Variants in PTCD3 observed in about 807,000 individuals in gnomAD.
PTCD3 encodes small ribosomal subunit protein mS39.
PTCD3 carries 89 observed loss-of-function variants against 101.9 expected under a neutral mutation model. That is an observed-to-expected ratio of 0.87 (90% CI 0.74 to 1.04). PTCD3 has a LOEUF of 1.04. PTCD3 is among the 50% of genes least tolerant of loss of function. The pLI is 0.00. For synonymous variants in PTCD3, 296 were observed against 278.5 expected (o/e 1.06, Z -0.63); for missense variants, 870 against 828.2 (o/e 1.05, Z -0.62).
Position 86,125,804 on chromosome 2 carries a change from A to G in PTCD3, c.875A>G (p.Tyr292Cys). 1 of 1,603,098 alleles carries G rather than the reference A, an allele frequency of 6.2e-7. No homozygotes were observed. The highest frequency in any genetic ancestry group is 8.5e-7 in the Non-Finnish European group (1 of 1,171,368). The change falls in exon 12 of 24, where the codon TAC becomes TGC. Residue 292 changes from tyrosine (Y) to cysteine (C), a missense_variant. Tyr to Cys is a radical substitution (Grantham distance 194). Coordinates refer to ENST00000254630, the MANE Select transcript of PTCD3 (RefSeq NM_017952.6). ...LLNNRLHADVYTFNALIEATV... is the reference protein window; with the variant it reads ...LLNNRLHADVCTFNALIEATV... ...TTTTATTATTTTACAGCTGATGTAT[A>G]CACATTTAATGCATTGATTGAAGCA...
chr2:86,126,263 A>G lies in PTCD3; in HGVS notation c.951+383A>G, dbSNP rs1054859182. The stretch of plus-strand genomic sequence containing the variant: ...AAAAAAGAAAAAGAAACAGAAGTAC[A>G]TGGGCTGGAGACAGCATTTATGAGC... On this transcript the variant is annotated intron_variant, in intron 12 of 23. Coordinates refer to ENST00000254630, the MANE Select transcript of PTCD3 (RefSeq NM_017952.6). Among the ~76,000 whole-genome samples the G allele has an allele frequency of 1.3e-4, 20 of 151,306 alleles. No individual in the cohort carries two copies. In the South Asian group the frequency reaches 3.1e-3, roughly 24 times the overall value.
rs747552088 is a variant in PTCD3, at chr2:86,116,583, A to G, written c.294A>G (p.Ala98=). 26 of 1,608,888 alleles carry G rather than the reference A, an allele frequency of 1.6e-5. No individual in the cohort carries two copies. Among genetic ancestry groups the G allele is most frequent in the Non-Finnish European group, 2.0e-5 (24 of 1,175,334 alleles). ...AAGATGATCCTTACCTTATGCCAGC[A>G]TCATCTTTGGAATCTGTGAGTATTT... is the stretch of plus-strand genomic sequence containing the variant. ...VFQDDPYLMP[A]SSLESRSFLL... The change falls in exon 5 of 24, where the codon GCA becomes GCG. Residue 98 remains alanine (A), a synonymous_variant. Coordinates refer to ENST00000254630, the MANE Select transcript of PTCD3 (RefSeq NM_017952.6).
At chr2:86,123,880 C>A in intron 9 of PTCD3, 118 bp downstream of exon 9, 2 of 698,896 alleles carry the variant, frequency 2.9e-6, no homozygotes, top group Non-Finnish European at 4.3e-6. Context: ...TTTTATTGTG[C>A]AATATAAATT....
At position 86,142,029 on chromosome 2, in the gene PTCD3, TATC is replaced by T. The variant is rs1451032242; in HGVS notation, c.*4474_*4476del. The T allele has an allele frequency of 6.9e-6, 1 of 144,968 alleles. No individual in the cohort carries two copies. Among genetic ancestry groups the T allele is most frequent in the Non-Finnish European group, 1.5e-5 (1 of 66,156 alleles). The allele number at this position is 144,968 out of a possible 1,614,324, so 9.0% of individuals were successfully genotyped here. A position where few individuals can be genotyped will look rare whatever the true frequency, so the allele number is the denominator to read the frequency against. On this transcript the variant is annotated 3_prime_UTR_variant, in exon 24 of 24. Coordinates refer to ENST00000254630, the MANE Select transcript of PTCD3 (RefSeq NM_017952.6). ...TGGCCAAGCAGGGTCCCCTTTTCGG[TATC>T]ATCTTTGTTCCTAATAAGCAATCAA...
chr2:86,120,431 A>T (rs987166391), intron 7 of PTCD3, among the ~76,000 whole-genome samples: 2 of 151,430 alleles, frequency 1.3e-5, no homozygotes, highest in African/African-American at 4.9e-5. Context: ...TGTGTTTTAT[A>T]ATAATCTTAT....
rs1485409614 is a variant in PTCD3 at position 86,121,553 on chromosome 2, A to G, written c.613A>G (p.Thr205Ala). The stretch of plus-strand genomic sequence containing the variant: ...TTACTATGGTGACCAGGAGCCCTCA[A>G]CTGATTACCATTTTCAACAAACTGG... ...LCYYGDQEPSTDYHFQQTGQS... is the reference protein window; with the variant it reads ...LCYYGDQEPSADYHFQQTGQS... The change falls in exon 8 of 24, where the codon ACT becomes GCT. Residue 205 changes from threonine to alanine, a missense_variant. By Grantham distance (58) the Thr-to-Ala change is moderately conservative. Transcript: ENST00000254630. The G allele has an allele frequency of 6.8e-6, 11 of 1,611,270 alleles. No individual in the cohort carries two copies. Among genetic ancestry groups the G allele is most frequent in the Non-Finnish European group, 9.3e-6 (11 of 1,178,872 alleles).
rs765439240 is a variant in PTCD3, at chr2:86,125,783, A to G, written c.866-12A>G. On this transcript the variant is annotated splice_polypyrimidine_tract_variant and intron_variant, in intron 11 of 23. Transcript: ENST00000254630. Reference sequence around the variant, plus strand: ...CTTCAACCCCAAATTTTATCATTTTATTATTTTACAGCTGATGTATACACA... The same window carrying G: ...CTTCAACCCCAAATTTTATCATTTTGTTATTTTACAGCTGATGTATACACA... 1 of 1,568,058 alleles carries G rather than the reference A, an allele frequency of 6.4e-7. No individual in the cohort carries two copies. Among genetic ancestry groups the G allele is most frequent in the Non-Finnish European group, 8.7e-7 (1 of 1,146,002 alleles).
rs537889886 is a variant in PTCD3 at position 86,106,261 on chromosome 2, C to A, written c.14C>A (p.Ser5Tyr). Residue 5 changes from serine (S) to tyrosine (Y), a missense_variant, in exon 1 of 24, where the codon TCT becomes TAT. Ser to Tyr is a moderately radical substitution (Grantham distance 144, BLOSUM62 -2). Transcript: ENST00000254630. The stretch of plus-strand genomic sequence containing the variant: ...GAGAAATCAAAGATGGCGGTTGTAT[C>A]TGCTGTTCGCTGGCTGGGCCTCCGC... MAVV[S>Y]AVRWLGLRSR... 14 of 1,614,094 alleles carry A rather than the reference C, an allele frequency of 8.7e-6. No individual in the cohort carries two copies. The South Asian group carries it at 8.8e-5, about 10-fold the overall frequency.
chr2:86,135,430 A>ATTT (rs1674567845), intron 21 of PTCD3, among the ~76,000 whole-genome samples: 1 of 152,198 alleles, frequency 6.6e-6, no homozygotes, highest in Non-Finnish European at 1.5e-5. Context: ...ACGCACATTA[A>ATTT]CTAAACTTGG....
At chr2:86,111,220 C>A in intron 4 of PTCD3, 62 bp downstream of exon 4, 1 of 1,331,148 alleles carries the variant, frequency 7.5e-7, no homozygotes, top group South Asian at 1.2e-5. Context: ...CTTTTTAACT[C>A]GGCTAATAAC....
In PTCD3 at chr2:86,127,100, CAT is replaced by C. The variant is rs1265875808; in HGVS notation, c.952-59_952-58del. ...GCTAAATTCTTTACTTTGTATGAAACATAGATTATTGGACAGATTACCCAGGC... is the reference window on the plus strand; with the variant it reads ...GCTAAATTCTTTACTTTGTATGAAACAGATTATTGGACAGATTACCCAGGC... On this transcript the variant is annotated intron_variant, in intron 12 of 23. Transcript: ENST00000254630. 1.8e-5 allele frequency: 26 copies of C among 1,434,114 alleles called. No homozygotes were observed. The East Asian group carries it at 3.7e-4, about 20-fold the overall frequency. The allele number at this position is 1,434,114 out of a possible 1,614,324, so 88.8% of individuals were successfully genotyped here. A position where few individuals can be genotyped will look rare whatever the true frequency, so the allele number is the denominator to read the frequency against.
intron 17 of PTCD3, chr2:86,132,937 C>A: frequency 1.9e-6 from 1 of 513,160 alleles, no homozygotes; most frequent in Non-Finnish European, 3.3e-6. Context: ...AGTATCTATT[C>A]ACCATGACCT....
At chr2:86,122,098 CAT>C (rs750207858) in intron 8 of PTCD3, among the ~76,000 whole-genome samples, 2 of 152,140 alleles carry the variant, frequency 1.3e-5, no homozygotes, top group East Asian at 1.9e-4. Flanking sequence ...TAGAGATGCT[CAT>C]GTGACATTTT....
chr2:86,123,591 T>G, intron 8 of PTCD3, 110 bp from the exon 9 acceptor site: 1 of 770,180 alleles, frequency 1.3e-6, no homozygotes, highest in Non-Finnish European at 2.0e-6. Flanking sequence ...TGGATCTATG[T>G]TTCCTTTATT....
rs1674057227 is a variant in PTCD3, at chr2:86,110,479, G to A, written c.195-634G>A. Reference sequence around the variant, plus strand: ...AACATAGGAGCACAAATATATTTGAGATCAAATTATCTTGTCTGTCATTTA... The same window carrying A: ...AACATAGGAGCACAAATATATTTGAAATCAAATTATCTTGTCTGTCATTTA... On this transcript the variant is annotated intron_variant, in intron 3 of 23. Coordinates refer to ENST00000254630, the MANE Select transcript of PTCD3 (RefSeq NM_017952.6). Among the ~76,000 whole-genome samples, 4 of 152,190 alleles carry A rather than the reference G, an allele frequency of 2.6e-5. No homozygotes were observed. In the South Asian group the frequency reaches 8.3e-4, roughly 31 times the overall value.
chr2:86,111,415 C>T (rs1473235509), intron 4 of PTCD3, among the ~76,000 whole-genome samples: 1 of 151,936 alleles, frequency 6.6e-6, no homozygotes, highest in Non-Finnish European at 1.5e-5. Flanking sequence ...AGTGAAACCC[C>T]GTCTCTACTG....
In PTCD3 at chr2:86,133,237, A is replaced by G. The variant is rs1674524849; in HGVS notation, c.1433A>G (p.Tyr478Cys). Residue 478 changes from tyrosine (Y) to cysteine (C), a missense_variant, in exon 18 of 24, where the codon TAT becomes TGT. Physicochemically the swap from Tyr to Cys is radical, Grantham distance 194. Transcript: ENST00000254630. ...MEQIDVTLKW[Y>C]EDLIPSAYFP... ...CAAATTGATGTTACCTTGAAGTGGT[A>G]TGAGGACCTGATACCTTCAGTAAGA... The G allele has an allele frequency of 6.2e-7, 1 of 1,614,134 alleles. No homozygotes were observed.
intron 7 of PTCD3, among the ~76,000 whole-genome samples, chr2:86,119,360 CTTTT>C (rs70953987): frequency 7.1e-6 from 1 of 141,252 alleles, no homozygotes. Context: ...TACCCTTTTC[CTTTT>C]TTTTTTTTTT....
intron 4 of PTCD3, among the ~76,000 whole-genome samples, chr2:86,113,609 C>G (rs1429764092): frequency 1.3e-5 from 2 of 152,026 alleles, no homozygotes; most frequent in African/African-American, 4.8e-5. Flanking sequence ...ACTTTGAGAT[C>G]AGTCTGGGCA....
Sources: allele counts gnomAD v4.1 joint callset (sites outside exome capture counted in the v4.1 genomes callset), GRCh38; gene constraint gnomAD v4.1.1; transcripts MANE v1.5; gene names NCBI Gene and HGNC (gene_info 2026-07-23, HGNC 2026-07-21).